Variants in CCDC158 observed in about 807,000 individuals in gnomAD.
CCDC158 encodes the protein coiled-coil domain-containing protein 158.
A neutral mutation model predicts 138.6 loss-of-function variants in CCDC158; 116 were observed. That is an observed-to-expected ratio of 0.84 (90% CI 0.72 to 0.98). CCDC158 has a LOEUF of 0.98. Ranked by LOEUF, CCDC158 falls within the 50% of genes least tolerant of loss-of-function variation. The probability of loss-of-function intolerance (pLI) is 0.00; values close to 1 mark genes in which losing one functional copy is unlikely to be tolerated. For synonymous variants in CCDC158, 436 were observed against 442.4 expected (o/e 0.99, Z 0.18); for missense variants, 1,265 against 1,306.1 (o/e 0.97, Z 0.48).
chr4:76,331,465 CAA>C (rs1208493817), intron 20 of CCDC158, 62 bp from the exon 21 acceptor site: 18 of 1,415,580 alleles, frequency 1.3e-5, no homozygotes, highest in Non-Finnish European at 1.8e-5. Flanking sequence ...ACCAATATAA[CAA>C]AAGTTTGTGA....
chr4:76,394,593 T>A (rs1019854710), intron 4 of CCDC158, among the ~76,000 whole-genome samples: 11 of 152,064 alleles, frequency 7.2e-5, no homozygotes, highest in African/African-American at 2.7e-4. Flanking sequence ...TAGTCAATAA[T>A]AATTTAATTG....
intron 20 of CCDC158, among the ~76,000 whole-genome samples, chr4:76,331,715 T>A (rs773612975): frequency 1.1e-4 from 16 of 152,016 alleles, no homozygotes; most frequent in Non-Finnish European, 2.2e-4. Flanking sequence ...CTGGTTTGAT[T>A]AGAGGATAAT....
chr4:76,350,493 T>C (rs931646490), intron 18 of CCDC158, among the ~76,000 whole-genome samples: 26 of 152,206 alleles, frequency 1.7e-4, no homozygotes, highest in Non-Finnish European at 3.4e-4. Flanking sequence ...GAAAACAAAC[T>C]TGAATTTTAC....
chr4:76,407,174 T>G (rs960651008), intron 2 of CCDC158: 8 of 152,136 alleles, frequency 5.3e-5, no homozygotes, highest in African/African-American at 1.9e-4. Context: ...AAAAAAACCC[T>G]GAGCTTAACA....
chr4:76,352,153 C>G (rs1302351747), intron 16 of CCDC158: 1 of 166,594 alleles, frequency 6.0e-6, no homozygotes, highest in Non-Finnish European at 1.3e-5. Flanking sequence ...ACCTGTAATC[C>G]CAGCACTTTG....
intron 13 of CCDC158, among the ~76,000 whole-genome samples, chr4:76,360,185 G>C (rs1221246531): frequency 1.3e-5 from 2 of 152,234 alleles, no homozygotes; most frequent in African/African-American, 4.8e-5. Flanking sequence ...GTGCACAGAG[G>C]GCAAGAGTTG....
Position 76,382,731 on chromosome 4 carries a change from A to T in CCDC158, c.804-11T>A. ...ATTAACTGCTCAATCCTATAAAAAGAATGTGGTGATTGTCATTTGATACAG... is the reference window on the plus strand; with the variant it reads ...ATTAACTGCTCAATCCTATAAAAAGTATGTGGTGATTGTCATTTGATACAG... On this transcript the variant is annotated splice_polypyrimidine_tract_variant and intron_variant, in intron 7 of 24. Transcript: ENST00000682701. 1 of 1,544,750 alleles carries T rather than the reference A, an allele frequency of 6.5e-7. No homozygotes were observed. The highest frequency in any genetic ancestry group is 8.9e-7 in the Non-Finnish European group (1 of 1,121,568).
At chr4:76,378,584 G>A (rs985342228) in intron 9 of CCDC158, among the ~76,000 whole-genome samples, 2 of 152,126 alleles carry the variant, frequency 1.3e-5, no homozygotes, top group African/African-American at 4.8e-5. Context: ...CAGGCAAGCC[G>A]CCTTGGGTGA....
chr4:76,380,747 G>C (rs1373096682), intron 8 of CCDC158, among the ~76,000 whole-genome samples: 1 of 152,186 alleles, frequency 6.6e-6, no homozygotes, highest in African/African-American at 2.4e-5. Flanking sequence ...ATGTCTCCGG[G>C]GCATGTCAGA....
intron 4 of CCDC158, among the ~76,000 whole-genome samples, chr4:76,387,031 C>G (rs1726861623): frequency 6.6e-6 from 1 of 152,138 alleles, no homozygotes; most frequent in South Asian, 2.1e-4. Flanking sequence ...ATTCCTAGTG[C>G]TAGGCTGGGC....
At chr4:76,376,348 G>A (rs1725719706) in intron 9 of CCDC158, among the ~76,000 whole-genome samples, 1 of 152,126 alleles carries the variant, frequency 6.6e-6, no homozygotes, top group Non-Finnish European at 1.5e-5. Flanking sequence ...ATGGGTGTAA[G>A]CCACTGCACC....
At chr4:76,363,005 G>A (rs1005173022) in intron 12 of CCDC158, among the ~76,000 whole-genome samples, 5 of 152,144 alleles carry the variant, frequency 3.3e-5, no homozygotes, top group African/African-American at 7.2e-5. Context: ...CAAAAAGGCC[G>A]CTTACAAGGT....
intron 14 of CCDC158, among the ~76,000 whole-genome samples, chr4:76,355,798 C>CTTGT (rs147328816): frequency 1.4e-5 from 2 of 145,582 alleles, no homozygotes; most frequent in African/African-American, 2.5e-5. Context: ...AATATATGTA[C>CTTGT]GTGTGTGTGT....
chr4:76,375,498 C>A (rs1312917251), intron 9 of CCDC158: 3 of 693,116 alleles, frequency 4.3e-6, no homozygotes, highest in Non-Finnish European at 7.9e-6. Flanking sequence ...CAGTATATAG[C>A]TCCAGCCAGT....
rs376849991 is a variant in CCDC158 at position 76,369,431 on chromosome 4, G to A, written c.1342C>T (p.Arg448Trp). The A allele has an allele frequency of 1.1e-5, 17 of 1,613,914 alleles. No individual in the cohort carries two copies. Among genetic ancestry groups the A allele is most frequent in the East Asian group, 6.7e-5 (3 of 44,872 alleles). The part of the protein sequence containing the change: ...LKSECQGQME[R>W]QMAAIQGKNE... The stretch of plus-strand genomic sequence containing the variant: ...CAGCCTGTGCAGGCACTGACCTGCC[G>A]CTCCATCTGGCCCTGACACTCGCTC... Residue 448 changes from arginine to tryptophan, a missense_variant, in exon 11 of 25, where the codon CGG becomes TGG. By Grantham distance (101) the Arg-to-Trp change is moderately radical. Transcript: ENST00000682701.
At chr4:76,365,684 G>A (rs1724587589) in intron 12 of CCDC158, among the ~76,000 whole-genome samples, 1 of 152,142 alleles carries the variant, frequency 6.6e-6, no homozygotes, top group African/African-American at 2.4e-5. Context: ...CTAGTCAGGA[G>A]CTCCACATTC....
chr4:76,411,599 T>G (rs893662483), intron 2 of CCDC158, among the ~76,000 whole-genome samples: 9 of 152,186 alleles, frequency 5.9e-5, no homozygotes. Context: ...ATTAAGCTAC[T>G]TACGATCGCA....
At chr4:76,401,391 G>T (rs541022540) in intron 3 of CCDC158, 8 of 492,454 alleles carry the variant, frequency 1.6e-5, no homozygotes, top group African/African-American at 1.6e-4. Context: ...AAGCAGAGTG[G>T]CTATGGTAGG....
intron 18 of CCDC158, among the ~76,000 whole-genome samples, chr4:76,347,703 T>A (rs1370713207): frequency 6.6e-6 from 1 of 152,102 alleles, no homozygotes; most frequent in African/African-American, 2.4e-5. Flanking sequence ...AGTTAAAGTA[T>A]AATTTTTAAA....
Sources: allele counts gnomAD v4.1 joint callset (sites outside exome capture counted in the v4.1 genomes callset), GRCh38; gene constraint gnomAD v4.1.1; transcripts MANE v1.5; gene names NCBI Gene and HGNC (gene_info 2026-07-23, HGNC 2026-07-21).